TECPR2: variants seen among roughly 807,000 people sequenced by gnomAD.
The protein encoded by TECPR2 is tectonin beta-propeller repeat-containing protein 2.
Under a neutral mutation model 138.1 loss-of-function variants are expected in TECPR2, and 65 were observed. That is an observed-to-expected ratio of 0.47 (90% CI 0.39 to 0.58). TECPR2 has a LOEUF of 0.58. Ranked by LOEUF, TECPR2 falls within the 20% of genes least tolerant of loss-of-function variation. The pLI, the probability that TECPR2 is intolerant of heterozygous loss-of-function variation, is 0.00. For synonymous variants in TECPR2, 746 were observed against 749.8 expected (o/e 0.99, Z 0.08); for missense variants, 1,553 against 1,824.5 (o/e 0.85, Z 2.71).
chr14:102,451,103 G>C (rs1032385435), intron 15 of TECPR2, among the ~76,000 whole-genome samples: 1 of 152,222 alleles, frequency 6.6e-6, no homozygotes, highest in East Asian at 1.9e-4. Context: ...GCCCTGCAGC[G>C]GGGTGCTCCT....
intron 4 of TECPR2, among the ~76,000 whole-genome samples, chr14:102,412,418 C>T (rs1888905191): frequency 6.6e-6 from 1 of 152,056 alleles, no homozygotes; most frequent in Non-Finnish European, 1.5e-5. Context: ...CAGGTTTGAG[C>T]CACCGTGCCA....
At position 102,420,821 on chromosome 14, in the gene TECPR2, C is replaced by T. The variant is rs1446711993; in HGVS notation, c.639-4158C>T. Reference sequence around the variant, plus strand: ...TCCCAGGACCTTGCTCAGCAGGGCTCCTTTCCCTTCCTCCAGGGTAAGAGT... The same window carrying T: ...TCCCAGGACCTTGCTCAGCAGGGCTTCTTTCCCTTCCTCCAGGGTAAGAGT... On this transcript the variant is annotated intron_variant, in intron 5 of 19. Transcript: ENST00000359520. This position sits in a 1 kb window ranked among gnomAD's most constrained non-coding sequence, Gnocchi z 4.1. 1.3e-5 allele frequency among the ~76,000 whole-genome samples: 2 copies of T among 152,140 alleles called. No homozygotes were observed. Among genetic ancestry groups the T allele is most frequent in the Admixed American group, 1.3e-4 (2 of 15,272 alleles).
chr14:102,384,339 T>C (rs972201690), intron 2 of TECPR2, among the ~76,000 whole-genome samples: 1 of 152,118 alleles, frequency 6.6e-6, no homozygotes, highest in Non-Finnish European at 1.5e-5. Context: ...CTCATGCTGC[T>C]TCCACTCATG....
chr14:102,491,238 G>C (rs1048236186), intron 17 of TECPR2, among the ~76,000 whole-genome samples: 4 of 152,148 alleles, frequency 2.6e-5, no homozygotes, highest in African/African-American at 7.2e-5. Context: ...TATTATTACA[G>C]AGGGTCTTGC....
intron 4 of TECPR2, among the ~76,000 whole-genome samples, chr14:102,409,996 G>A (rs1888780327): frequency 6.6e-6 from 1 of 151,872 alleles, no homozygotes; most frequent in Admixed American, 6.6e-5. Flanking sequence ...TGTAGAGATA[G>A]TGTTTCACCG....
At chr14:102,431,210 AAAAT>A (rs35012872) in intron 7 of TECPR2, among the ~76,000 whole-genome samples, 2 of 150,828 alleles carry the variant, frequency 1.3e-5, no homozygotes. Context: ...CTCCGTCTCA[AAAAT>A]AAATAAATAA....
chr14:102,436,372 G>A (rs4906200), intron 9 of TECPR2, among the ~76,000 whole-genome samples: 32,646 of 148,828 alleles, frequency 0.22, 4,216 homozygotes, highest in Middle Eastern at 0.3. Flanking sequence ...AGGATGGAGC[G>A]CAGTGGCGCA....
Position 102,443,151 on chromosome 14 carries a change from A to G in TECPR2, c.2753-496A>G, listed in dbSNP as rs1249207604. Among the ~76,000 whole-genome samples, 1 of 152,232 alleles carries G rather than the reference A, an allele frequency of 6.6e-6. No homozygotes were observed. Among genetic ancestry groups the G allele is most frequent in the Admixed American group, 6.5e-5 (1 of 15,282 alleles). Reference sequence around the variant, plus strand: ...GCAGCGCTGCAGCCCTCTGCCTGGAAGAGCTGCTCTGCCCTGCAGCCTTTG... The same window carrying G: ...GCAGCGCTGCAGCCCTCTGCCTGGAGGAGCTGCTCTGCCCTGCAGCCTTTG... On this transcript the variant is annotated intron_variant, in intron 11 of 19. Transcript: ENST00000359520. The surrounding 1 kb of genome is among the most constrained non-coding windows in gnomAD (Gnocchi z 4.9).
chr14:102,384,220 G>A (rs1466613251), intron 2 of TECPR2, among the ~76,000 whole-genome samples: 2 of 151,874 alleles, frequency 1.3e-5, no homozygotes, highest in Non-Finnish European at 2.9e-5. Flanking sequence ...CATCCGGCCG[G>A]AAGTTGTTTT....
chr14:102,450,833 G>A (rs1157041323), intron 15 of TECPR2, among the ~76,000 whole-genome samples, 184 bp downstream of exon 15: 2 of 152,232 alleles, frequency 1.3e-5, no homozygotes, highest in Non-Finnish European at 2.9e-5. Flanking sequence ...GGATAGGCCT[G>A]ACCAGGAGAG....
At chr14:102,391,459 G>A (rs8008097) in intron 2 of TECPR2, among the ~76,000 whole-genome samples, 48,641 of 151,986 alleles carry the variant, frequency 0.32, 8,106 homozygotes, top group Middle Eastern at 0.4. Flanking sequence ...TTTTGGTGGG[G>A]TGGGGTATGT....
intron 5 of TECPR2, among the ~76,000 whole-genome samples, chr14:102,424,022 G>A (rs1253232786): frequency 6.6e-6 from 1 of 152,198 alleles, no homozygotes; most frequent in Admixed American, 6.5e-5. Flanking sequence ...ACAGTCATGT[G>A]TCACCTAACA....
At chr14:102,410,484 A>T (rs1382251964) in intron 4 of TECPR2, among the ~76,000 whole-genome samples, 4 of 67,932 alleles carry the variant, frequency 5.9e-5, no homozygotes, top group Non-Finnish European at 1.4e-4. Context: ...AAAAAAAATA[A>T]AAAATAAAAA....
chr14:102,469,128 C>CAA (rs201317528), intron 17 of TECPR2, among the ~76,000 whole-genome samples: 1 of 148,992 alleles, frequency 6.7e-6, no homozygotes, highest in African/African-American at 2.5e-5. Context: ...TCAATTTCTG[C>CAA]AAAAAAAAAT....
intron 14 of TECPR2, among the ~76,000 whole-genome samples, chr14:102,450,107 G>C (rs1890101184): frequency 6.6e-6 from 1 of 152,118 alleles, no homozygotes; most frequent in Non-Finnish European, 1.5e-5. Context: ...AACCTTTTAT[G>C]ACATAAGAAA....
At chr14:102,397,420 A>G (rs1888343353) in intron 2 of TECPR2, among the ~76,000 whole-genome samples, 1 of 152,218 alleles carries the variant, frequency 6.6e-6, no homozygotes, top group Non-Finnish European at 1.5e-5. Context: ...AAAAGATTTT[A>G]AAACAACTGT....
At chr14:102,408,240 G>T (rs1302813840) in intron 3 of TECPR2, among the ~76,000 whole-genome samples, 1 of 151,956 alleles carries the variant, frequency 6.6e-6, no homozygotes, top group Non-Finnish European at 1.5e-5. Context: ...TTTGTGCTGG[G>T]TTGGACACTT....
At chr14:102,416,482 C>T (rs138136288) in intron 5 of TECPR2, among the ~76,000 whole-genome samples, 12 of 152,326 alleles carry the variant, frequency 7.9e-5, no homozygotes, top group East Asian at 1.9e-4. Flanking sequence ...GTCTCCCTTT[C>T]GGTCCCTGGA....
At chr14:102,365,271 A>T (rs1597755795) in intron 1 of TECPR2, among the ~76,000 whole-genome samples, 1 of 152,376 alleles carries the variant, frequency 6.6e-6, no homozygotes, top group African/African-American at 2.4e-5. Context: ...GAGAAAACAG[A>T]TAATGATGGT....
Sources: allele counts gnomAD v4.1 joint callset (sites outside exome capture counted in the v4.1 genomes callset), GRCh38; gene constraint gnomAD v4.1.1; non-coding constraint Gnocchi (gnomAD v3.1); transcripts MANE v1.5; gene names NCBI Gene and HGNC (gene_info 2026-07-23, HGNC 2026-07-21).